NREP: variants seen among roughly 807,000 people sequenced by gnomAD.
NREP encodes neuronal regeneration related protein.
A neutral mutation model predicts 8.6 loss-of-function variants in NREP; 5 were observed. The observed-to-expected ratio is 0.58, with a 90% CI of 0.30 to 1.22. NREP has a LOEUF of 1.22. NREP is among the 50% of genes most tolerant of loss of function. The pLI, the probability that NREP is intolerant of heterozygous loss-of-function variation, is 0.07. For missense variants in NREP, 86 were observed against 82.5 expected (o/e 1.04, Z -0.17); for synonymous variants, 27 against 28.0 (o/e 0.96, Z 0.11).
chr5:111,915,194 G>A (rs1463440101), intron 2 of NREP, among the ~76,000 whole-genome samples: 3 of 151,966 alleles, frequency 2.0e-5, no homozygotes, highest in African/African-American at 7.2e-5. Context: ...ATTCCCCCAG[G>A]GTGGTTTTAA....
At chr5:111,916,275 T>A (rs1755055333) in intron 2 of NREP, among the ~76,000 whole-genome samples, 1 of 148,820 alleles carries the variant, frequency 6.7e-6, no homozygotes, top group South Asian at 2.1e-4. Context: ...AGGTAGAGAG[T>A]TGCACAGCCA....
intron 2 of NREP, among the ~76,000 whole-genome samples, chr5:111,819,123 A>G (rs1581140123): frequency 2.0e-5 from 3 of 152,172 alleles, no homozygotes; most frequent in Admixed American, 1.3e-4. Flanking sequence ...TAGTTTCAGT[A>G]AACAACTTTC....
chr5:111,775,429 A>G lies in NREP; in HGVS notation c.136-39922T>C, dbSNP rs1377458316. 2.0e-5 allele frequency among the ~76,000 whole-genome samples: 3 copies of G among 152,254 alleles called. No individual in the cohort carries two copies. The East Asian group carries it at 5.8e-4, about 29-fold the overall frequency. ...AATACTTGTCAAAGCTGAGCACATG[A>G]TCCTAATGCAGAATCTTGCTAAGAA... On this transcript the variant is annotated intron_variant, in intron 2 of 3. Transcript: ENST00000395634.
rs895868847 is a variant in NREP at position 111,774,583 on chromosome 5, C to T, written c.136-39076G>A. ...CAAAGTGTGTAAACGAGTCAGTGTCCTTCTGTGGGTTTGGAGATGGAGGGG... is the reference window on the plus strand; with the variant it reads ...CAAAGTGTGTAAACGAGTCAGTGTCTTTCTGTGGGTTTGGAGATGGAGGGG... On this transcript the variant is annotated intron_variant, in intron 2 of 3. Coordinates refer to the NREP transcript ENST00000395634. 1.3e-5 allele frequency among the ~76,000 whole-genome samples: 2 copies of T among 152,214 alleles called. 1 individual carries two copies. The highest frequency in any genetic ancestry group is 6.8e-3 in the Middle Eastern group (2 of 294).
chr5:111,922,369 G>C (rs763590242), intron 2 of NREP, among the ~76,000 whole-genome samples: 1 of 152,092 alleles, frequency 6.6e-6, no homozygotes, highest in East Asian at 1.9e-4. Flanking sequence ...AGTCCAAAGC[G>C]GGGAATTATT....
intron 2 of NREP, among the ~76,000 whole-genome samples, chr5:111,828,321 G>C (rs965117105): frequency 2.6e-5 from 4 of 152,096 alleles, no homozygotes; most frequent in African/African-American, 4.8e-5. Context: ...GAGACACCGC[G>C]CCCGGCCGGA....
intron 2 of NREP, among the ~76,000 whole-genome samples, chr5:111,807,138 AC>A (rs766077726): frequency 8.5e-5 from 13 of 152,254 alleles, no homozygotes; most frequent in Non-Finnish European, 1.9e-4. Flanking sequence ...CAAAAAAAAA[AC>A]TTCATGTTTC....
chr5:111,776,582 G>C (rs1272203152), intron 2 of NREP, among the ~76,000 whole-genome samples: 2 of 152,124 alleles, frequency 1.3e-5, no homozygotes, highest in East Asian at 3.9e-4. Flanking sequence ...ATCAACAAGA[G>C]AATGAATAAA....
At chr5:111,798,734 GGTGTGTGTGTGTGTGT>G (rs571252142) in intron 2 of NREP, among the ~76,000 whole-genome samples, 7 of 135,698 alleles carry the variant, frequency 5.2e-5, no homozygotes, top group Non-Finnish European at 1.1e-4. Flanking sequence ...AGTATTCCAT[GGTGTGTGTGTGTGTGT>G]GTGTGTGTGT....
chr5:111,763,786 G>A (rs374210917), intron 2 of NREP, among the ~76,000 whole-genome samples: 6 of 152,338 alleles, frequency 3.9e-5, no homozygotes, highest in Admixed American at 1.3e-4. Flanking sequence ...TTGTGTGTGC[G>A]CGCACGCGCA....
Position 111,735,465 on chromosome 5 carries a change from A to G in NREP, c.46T>C (p.Phe16Leu), listed in dbSNP as rs138950637. 3.1e-4 allele frequency: 502 copies of G among 1,613,328 alleles called. No individual in the cohort carries two copies. The highest frequency in any genetic ancestry group is 3.8e-4 in the Non-Finnish European group (453 of 1,179,502). ...ELFVWVSQEP[F>L]PNKDMEGRLP... ...CTTCCCTCCATGTCCTTGTTTGGAA[A>G]TGGTTCTTGACTGACCCAGACAAAG... The change falls in exon 3 of 4, where the codon TTT becomes CTT. Residue 16 changes from phenylalanine to leucine, a missense_variant. Physicochemically the swap from Phe to Leu is conservative, Grantham distance 22 (BLOSUM62 0). Transcript: ENST00000257435.
chr5:111,888,952 AT>A (rs1754327262), intron 2 of NREP, among the ~76,000 whole-genome samples: 1 of 152,224 alleles, frequency 6.6e-6, no homozygotes, highest in East Asian at 1.9e-4. Flanking sequence ...ATTTCCATAA[AT>A]ATATAAAGAC....
At chr5:111,973,835 T>C (rs920250076) in intron 2 of NREP, among the ~76,000 whole-genome samples, 10 of 152,198 alleles carry the variant, frequency 6.6e-5, no homozygotes, top group Non-Finnish European at 1.0e-4. Context: ...TTTAGAAACA[T>C]TGAATATATG....
intron 2 of NREP, among the ~76,000 whole-genome samples, chr5:111,900,058 C>G (rs187050609): frequency 1.3e-3 from 197 of 152,112 alleles, no homozygotes; most frequent in Non-Finnish European, 2.4e-3. Flanking sequence ...CAAAACAGGT[C>G]TCAATAGATT....
At chr5:111,802,284 A>G (rs1008009357) in intron 2 of NREP, among the ~76,000 whole-genome samples, 1 of 148,102 alleles carries the variant, frequency 6.8e-6, no homozygotes, top group Non-Finnish European at 1.5e-5. Context: ...AAATGTTAAG[A>G]AGGTGTCAAA....
intron 2 of NREP, among the ~76,000 whole-genome samples, chr5:111,894,517 A>G (rs1394486390): frequency 6.6e-6 from 1 of 151,850 alleles, no homozygotes; most frequent in Non-Finnish European, 1.5e-5. Flanking sequence ...GGAGACTCCT[A>G]TCATTTTCTC....
chr5:111,934,143 G>A (rs546503500), intron 2 of NREP, among the ~76,000 whole-genome samples: 3 of 152,176 alleles, frequency 2.0e-5, no homozygotes, highest in East Asian at 3.9e-4. Context: ...TCTACCAGAT[G>A]GTTGAGCTGC....
chr5:111,747,975 G>C (rs887028544), intron 2 of NREP, among the ~76,000 whole-genome samples: 2 of 152,266 alleles, frequency 1.3e-5, no homozygotes, highest in South Asian at 2.1e-4. Flanking sequence ...TTGGTCTACT[G>C]TCATGACTGC....
intron 2 of NREP, among the ~76,000 whole-genome samples, chr5:111,880,896 A>G (rs10062988): frequency 0.99 from 150,780 of 152,236 alleles, 74,691 homozygotes; most frequent in East Asian, 1. Context: ...CAGCGTGAGC[A>G]ACGCAGAAGA....
Sources: gnomAD v4.1 joint callset for allele counts (sites outside exome capture counted in the v4.1 genomes callset) on GRCh38, gnomAD v4.1.1 for gene constraint, MANE v1.5 for transcripts, NCBI Gene and HGNC (gene_info 2026-07-23, HGNC 2026-07-21) for gene names.